The following GRK5 variants were observed in gnomAD, a reference collection of about 807,000 sequenced individuals.
GRK5 encodes the protein G protein-coupled receptor kinase 5.
In GRK5, 40 loss-of-function variants were observed where a neutral mutation model predicts 78.4. The observed-to-expected ratio is 0.51, with a 90% CI of 0.40 to 0.66. The LOEUF (loss-of-function observed/expected upper bound fraction) is 0.66, where lower values mean the gene tolerates loss of function less well. Among genes scored for constraint, GRK5 ranks in the 30% least tolerant of loss-of-function variants. The pLI, the probability that GRK5 is intolerant of heterozygous loss-of-function variation, is 0.00. For missense variants in GRK5, 598 were observed against 759.9 expected, an observed-to-expected ratio of 0.79 and a Z score of 2.50; for synonymous variants, 289 against 296.8, an observed-to-expected ratio of 0.97 and a Z score of 0.27.
rs533570765 is a variant in GRK5 at position 119,443,934 on chromosome 10, C to T, written c.1266+182C>T. ...CCTTGCTGTGGACTGGGGTGGTCAGCGGAGACTTCCAGGAGAAAGCCTGGG... is the reference window on the plus strand; with the variant it reads ...CCTTGCTGTGGACTGGGGTGGTCAGTGGAGACTTCCAGGAGAAAGCCTGGG... On this transcript the variant is annotated intron_variant, in intron 12 of 15. Coordinates refer to ENST00000392870, the MANE Select transcript of GRK5 (RefSeq NM_005308.3). Among the ~76,000 whole-genome samples the T allele has an allele frequency of 4.6e-4, 70 of 152,168 alleles. 1 individual carries two copies. The highest frequency in any genetic ancestry group is 3.4e-3 in the Admixed American group (52 of 15,286).
In GRK5 at chr10:119,452,600, C is replaced by T; in HGVS notation, c.1405-71C>T. ...AGACTCCCTTCTGCTCCCCAAAACC[C>T]CAAGGCCTGGCTCGGGGCCACTGGA... On this transcript the variant is annotated intron_variant, in intron 13 of 15. Transcript: ENST00000392870. This position sits in a 1 kb window ranked among gnomAD's most constrained non-coding sequence, Gnocchi z 4.4. The T allele has an allele frequency of 1.3e-6, 2 of 1,592,304 alleles. No homozygotes were observed. The highest frequency in any genetic ancestry group is 1.7e-6 in the Non-Finnish European group (2 of 1,166,580).
At chr10:119,451,495 T>G (rs1853284488) in intron 13 of GRK5, among the ~76,000 whole-genome samples, 1 of 152,122 alleles carries the variant, frequency 6.6e-6, no homozygotes, top group African/African-American at 2.4e-5. Context: ...AAATTCTAAA[T>G]GTGGAACATG....
intron 2 of GRK5, among the ~76,000 whole-genome samples, chr10:119,367,537 G>A (rs543121772): frequency 6.6e-6 from 1 of 152,358 alleles, no homozygotes; most frequent in African/African-American, 2.4e-5. Flanking sequence ...GTGGTCACAT[G>A]GTTGGCTGGG....
intron 1 of GRK5, among the ~76,000 whole-genome samples, chr10:119,222,330 G>T (rs894078751): frequency 6.6e-6 from 1 of 151,964 alleles, no homozygotes; most frequent in Non-Finnish European, 1.5e-5. Context: ...GTATCAGGTC[G>T]GGGGGCAGAA....
intron 1 of GRK5, among the ~76,000 whole-genome samples, chr10:119,258,856 T>C (rs1036421292): frequency 6.6e-6 from 1 of 152,174 alleles, no homozygotes; most frequent in African/African-American, 2.4e-5. Context: ...CTGTCAGTTA[T>C]TGACTGAGGG....
chr10:119,295,778 A>T (rs1426487051), intron 1 of GRK5, among the ~76,000 whole-genome samples: 1 of 151,778 alleles, frequency 6.6e-6, no homozygotes, highest in Non-Finnish European at 1.5e-5. Flanking sequence ...CATAAGAATG[A>T]TACGATGGAC....
rs911268563 is a variant in GRK5 at position 119,207,805 on chromosome 10, C to T, written c.-113C>T. 2.6e-5 allele frequency: 26 copies of T among 1,019,074 alleles called. No homozygotes were observed. The highest frequency in any genetic ancestry group is 3.4e-5 in the Non-Finnish European group (24 of 707,140). The allele number at this position is 1,019,074 out of a possible 1,614,324, so 63.1% of individuals were successfully genotyped here. A position where few individuals can be genotyped will look rare whatever the true frequency, so the allele number is the denominator to read the frequency against. ...TGCGGTAGGCAAGGCGGGCTGCTGG[C>T]TCCCCCGGCTCCGGCAGCAGCGGCG... On this transcript the variant is annotated 5_prime_UTR_variant, in exon 1 of 16. Coordinates refer to ENST00000392870, the MANE Select transcript of GRK5 (RefSeq NM_005308.3).
At position 119,413,852 on chromosome 10, in the gene GRK5, A is replaced by C. The variant is rs544444443; in HGVS notation, c.340-9314A>C. ...GGCCCGTCCCTCAGGCGCCCACAGCAGCCTCCAGCCCTGGCTCCTGCTAAA... is the reference window on the plus strand; with the variant it reads ...GGCCCGTCCCTCAGGCGCCCACAGCCGCCTCCAGCCCTGGCTCCTGCTAAA... On this transcript the variant is annotated intron_variant, in intron 4 of 15. Transcript: ENST00000392870. 3.2e-4 allele frequency among the ~76,000 whole-genome samples: 48 copies of C among 152,144 alleles called. 1 individual carries two copies. Among genetic ancestry groups the C allele is most frequent in the Non-Finnish European group, 5.7e-4 (39 of 68,016 alleles).
intron 2 of GRK5, among the ~76,000 whole-genome samples, chr10:119,342,298 C>A (rs1322398852): frequency 6.6e-6 from 1 of 152,260 alleles, no homozygotes; most frequent in Non-Finnish European, 1.5e-5. Context: ...CAAACCGGTG[C>A]TGCTGGATTG....
At chr10:119,381,889 T>C (rs868562009) in intron 3 of GRK5, among the ~76,000 whole-genome samples, 11 of 152,184 alleles carry the variant, frequency 7.2e-5, no homozygotes, top group Non-Finnish European at 1.6e-4. Context: ...CTGTATCTGC[T>C]TCAAGATCTC....
chr10:119,227,248 G>A (rs1848755450), intron 1 of GRK5, among the ~76,000 whole-genome samples: 1 of 152,074 alleles, frequency 6.6e-6, no homozygotes, highest in Non-Finnish European at 1.5e-5. Flanking sequence ...GAGTCCAGAT[G>A]CAAACCCTAG....
intron 3 of GRK5, among the ~76,000 whole-genome samples, chr10:119,395,501 C>A (rs899440352): frequency 6.6e-6 from 1 of 152,164 alleles, no homozygotes; most frequent in Non-Finnish European, 1.5e-5. Context: ...TTTCCTTCCT[C>A]TTTTGAAATA....
intron 15 of GRK5, among the ~76,000 whole-genome samples, chr10:119,454,387 G>A (rs1463505601): frequency 6.6e-6 from 1 of 152,192 alleles, no homozygotes; most frequent in Non-Finnish European, 1.5e-5. Flanking sequence ...AGAGCCACGG[G>A]TGGCGGCCCA....
chr10:119,285,312 C>T (rs1849829818), intron 1 of GRK5, among the ~76,000 whole-genome samples: 1 of 152,098 alleles, frequency 6.6e-6, no homozygotes, highest in Non-Finnish European at 1.5e-5. Context: ...TAAAGCATTT[C>T]CTGGGTTGGT....
At chr10:119,326,193 G>A (rs2133763047) in intron 1 of GRK5, among the ~76,000 whole-genome samples, 1 of 152,366 alleles carries the variant, frequency 6.6e-6, no homozygotes, top group Admixed American at 6.5e-5. Context: ...TGGCAGGCCT[G>A]GCCCCTGCTG....
At chr10:119,451,668 C>A (rs1853290468) in intron 13 of GRK5, among the ~76,000 whole-genome samples, 1 of 152,228 alleles carries the variant, frequency 6.6e-6, no homozygotes, top group South Asian at 2.1e-4. Context: ...TGCTTCCGTC[C>A]ACGTGCACTT....
intron 3 of GRK5, among the ~76,000 whole-genome samples, chr10:119,390,558 G>A (rs1056228624): frequency 4.6e-5 from 7 of 152,164 alleles, no homozygotes; most frequent in African/African-American, 1.7e-4. Context: ...AGCTGGGCAT[G>A]GTGGCGTGCG....
chr10:119,408,395 T>C (rs1249440854), intron 4 of GRK5, among the ~76,000 whole-genome samples: 1 of 142,224 alleles, frequency 7.0e-6, no homozygotes, highest in Non-Finnish European at 1.5e-5. Context: ...CAGATACTAG[T>C]GTGCAAATAT....
rs1162820901 is a variant in GRK5 at position 119,253,048 on chromosome 10, A to G, written c.52+45079A>G. Among the ~76,000 whole-genome samples, 1 of 152,180 alleles carries G rather than the reference A, an allele frequency of 6.6e-6. No individual in the cohort carries two copies. The highest frequency in any genetic ancestry group is 1.5e-5 in the Non-Finnish European group (1 of 68,028). ...CCCCTAGCCACACTGGAGAGGGGAC[A>G]GTGCCCTGGTTTTCCTGATACGCCC... is the stretch of plus-strand genomic sequence containing the variant. On this transcript the variant is annotated intron_variant, in intron 1 of 15. Transcript: ENST00000392870. The surrounding 1 kb of genome is among the most constrained non-coding windows in gnomAD (Gnocchi z 5.7).
Sources: allele counts gnomAD v4.1 joint callset (sites outside exome capture counted in the v4.1 genomes callset), GRCh38; gene constraint gnomAD v4.1.1; non-coding constraint Gnocchi (gnomAD v3.1); transcripts MANE v1.5; gene names NCBI Gene and HGNC (gene_info 2026-07-23, HGNC 2026-07-21).